Variants in PLA2G6 observed in about 807,000 individuals in gnomAD.
PLA2G6 encodes phospholipase A2 group VI, also known as 85/88 kDa calcium-independent phospholipase A2.
Under a neutral mutation model 83.8 loss-of-function variants are expected in PLA2G6, and 62 were observed. That is an observed-to-expected ratio of 0.74 (90% CI 0.60 to 0.91). The LOEUF is 0.91. PLA2G6 is among the 40% of genes least tolerant of loss of function. The pLI, the probability that PLA2G6 is intolerant of heterozygous loss-of-function variation, is 0.00. For synonymous variants in PLA2G6, 417 were observed against 449.8 expected (o/e 0.93, Z 0.92); for missense variants, 944 against 1,102.0 (o/e 0.86, Z 2.03).
chr22:38,179,961 G>A (rs919394968), intron 1 of PLA2G6, among the ~76,000 whole-genome samples: 3 of 151,964 alleles, frequency 2.0e-5, no homozygotes, highest in African/African-American at 7.3e-5. Flanking sequence ...ATCACCATCC[G>A]AAAACGAGAA....
At chr22:38,172,271 C>G (rs1471531576) in intron 1 of PLA2G6, among the ~76,000 whole-genome samples, 1 of 152,178 alleles carries the variant, frequency 6.6e-6, no homozygotes, top group African/African-American at 2.4e-5. Flanking sequence ...CAGGGTCACC[C>G]AGCTAGTGGG....
chr22:38,173,824 C>T (rs946428325), intron 1 of PLA2G6, among the ~76,000 whole-genome samples: 4 of 151,802 alleles, frequency 2.6e-5, no homozygotes, highest in Non-Finnish European at 4.4e-5. Context: ...CTGAGGCAGA[C>T]GGATTGCTTG....
chr22:38,140,476 C>A (rs11570659), intron 4 of PLA2G6: 2 of 360,768 alleles, frequency 5.5e-6, no homozygotes, highest in Admixed American at 3.9e-5. Context: ...TCATTGCACT[C>A]TAGCCTGGGC....
Position 38,139,843 on chromosome 22 carries a change from G to A in PLA2G6, c.797+139C>T, listed in dbSNP as rs573095326. 54 of 700,702 alleles carry A rather than the reference G, an allele frequency of 7.7e-5. No individual in the cohort carries two copies. The East Asian group carries it at 1.4e-3, about 18-fold the overall frequency. The allele number at this position is 700,702 out of a possible 1,614,324, so 43.4% of individuals were successfully genotyped here. A position where few individuals can be genotyped will look rare whatever the true frequency, so the allele number is the denominator to read the frequency against. The stretch of plus-strand genomic sequence containing the variant: ...TTTGGGCCAGGCGGGGCCTAATGAG[G>A]CTTGTGAACCCGGGGCCTCTGCTCT... On this transcript the variant is annotated intron_variant, in intron 5 of 16. Coordinates refer to ENST00000332509, the MANE Select transcript of PLA2G6 (RefSeq NM_003560.4).
At position 38,132,188 on chromosome 22, in the gene PLA2G6, C is replaced by T. The variant is rs1271191868; in HGVS notation, c.1077+643G>A. ...CCTCCTCTGCTAGGTTTAATATGTTCATACTCTAGATGTGTAACCAGACAG... is the reference window on the plus strand; with the variant it reads ...CCTCCTCTGCTAGGTTTAATATGTTTATACTCTAGATGTGTAACCAGACAG... On this transcript the variant is annotated intron_variant, in intron 7 of 16. Transcript: ENST00000332509. This position sits in a 1 kb window ranked among gnomAD's most constrained non-coding sequence, Gnocchi z 5.0. The T allele has an allele frequency of 4.5e-6, 2 of 444,706 alleles. No individual in the cohort carries two copies. The highest frequency in any genetic ancestry group is 9.0e-6 in the Non-Finnish European group (2 of 222,172). 27.5% of individuals were successfully genotyped at this position (444,706 alleles called of 1,614,324 possible).
chr22:38,156,647 G>A, intron 2 of PLA2G6, among the ~76,000 whole-genome samples: 1 of 151,962 alleles, frequency 6.6e-6, no homozygotes, highest in Non-Finnish European at 1.5e-5. Context: ...TAGAGACGGG[G>A]TTTCACTGTG....
intron 5 of PLA2G6, chr22:38,138,786 C>G (rs2088706529): frequency 6.6e-6 from 1 of 152,188 alleles, no homozygotes; most frequent in Non-Finnish European, 1.5e-5. Context: ...TCTCCTGTCT[C>G]AGCCTCCTGA....
rs1402835565 is a variant in PLA2G6, at chr22:38,143,763, G to A, written c.426-475C>T. On this transcript the variant is annotated intron_variant, in intron 3 of 16. Coordinates refer to ENST00000332509, the MANE Select transcript of PLA2G6 (RefSeq NM_003560.4). Reference sequence around the variant, plus strand: ...TTTTTGTTTTGTTTTGTTTTTTTGAGGTGGAGTTTCACTCTTGTTGCCCAG... The same window carrying A: ...TTTTTGTTTTGTTTTGTTTTTTTGAAGTGGAGTTTCACTCTTGTTGCCCAG... 3 of 295,808 alleles carry A rather than the reference G, an allele frequency of 1.0e-5. No individual in the cohort carries two copies. In the East Asian group the frequency reaches 2.5e-4, roughly 25 times the overall value. The allele number at this position is 295,808 out of a possible 1,614,324, so 18.3% of individuals were successfully genotyped here. A position where few individuals can be genotyped will look rare whatever the true frequency, so the allele number is the denominator to read the frequency against.
At chr22:38,146,966 A>G (rs1453337365) in intron 2 of PLA2G6, 1 of 152,014 alleles carries the variant, frequency 6.6e-6, no homozygotes, top group African/African-American at 2.4e-5. Flanking sequence ...TTTTTAGAAG[A>G]GACAGAGTTT....
intron 10 of PLA2G6, 193 bp downstream of exon 10, chr22:38,126,178 G>T: frequency 1.5e-6 from 1 of 660,068 alleles, no homozygotes; most frequent in Admixed American, 2.1e-5. Context: ...AGCCTGCACC[G>T]CCCAGCATTA....
chr22:38,135,048 C>T lies in PLA2G6; in HGVS notation c.834G>A (p.Gln278=). ...CGTAACGGGGGTCTTTGCTGTGGAT[C>T]TGGCTGCTGTCCATGCTGATGATCA... ...AEMIISMDSS[Q]IHSKDPRYGA... is the part of the protein sequence containing the mutation. Residue 278 remains glutamine (Q), a synonymous_variant, in exon 6 of 17, where the codon CAG becomes CAA. Coordinates refer to ENST00000332509, the MANE Select transcript of PLA2G6 (RefSeq NM_003560.4). 6.3e-7 allele frequency: 1 copy of T among 1,593,516 alleles called. No homozygotes were observed. The highest frequency in any genetic ancestry group is 8.6e-7 in the Non-Finnish European group (1 of 1,166,630).
intron 3 of PLA2G6, chr22:38,144,896 C>T (rs1013394617): frequency 3.5e-6 from 1 of 286,848 alleles, no homozygotes; most frequent in African/African-American, 2.3e-5. Flanking sequence ...ATGACGATAC[C>T]TTGTGGGGGT....
At position 38,123,119 on chromosome 22, in the gene PLA2G6, T is replaced by G; in HGVS notation, c.1567A>C (p.Ile523Leu). The G allele has an allele frequency of 1.3e-6, 2 of 1,549,634 alleles. No homozygotes were observed. The highest frequency in any genetic ancestry group is 2.4e-5 in the South Asian group (2 of 83,990). Residue 523 changes from isoleucine to leucine, a missense_variant, in exon 11 of 17, where the codon ATC (isoleucine) becomes CTC (leucine). Transcript: ENST00000332509. This position sits in a 1 kb window ranked among gnomAD's most constrained non-coding sequence, Gnocchi z 4.1. ...DWVAGTSTGG[I>L]LALAILHSKS... is the part of the protein sequence containing the mutation. ...CTGTGCAGAATGGCCAGGGCCAGGA[T>G]GCCTCCAGTGCTGGTGCCCGCCACC...
At chr22:38,164,081 A>G (rs1350350580) in intron 2 of PLA2G6, among the ~76,000 whole-genome samples, 4 of 152,184 alleles carry the variant, frequency 2.6e-5, no homozygotes, top group African/African-American at 9.7e-5. Context: ...GTCATCTGTT[A>G]CAAGTCAATG....
intron 1 of PLA2G6, chr22:38,180,507 G>C (rs1482237914): frequency 6.6e-6 from 1 of 152,192 alleles, no homozygotes; most frequent in Non-Finnish European, 1.5e-5. Context: ...AACGATGACT[G>C]AATGAATGGT....
chr22:38,142,761 G>A, intron 4 of PLA2G6: 1 of 388,442 alleles, frequency 2.6e-6, no homozygotes, highest in Non-Finnish European at 4.9e-6. Flanking sequence ...GGTCCCGCTG[G>A]CCCACGAGCC....
chr22:38,135,117 A>ACCCT, intron 5 of PLA2G6, 33 bp from the exon 6 acceptor site: 4 of 1,482,222 alleles, frequency 2.7e-6, no homozygotes, highest in Non-Finnish European at 3.8e-6. Flanking sequence ...TGGTGAGCAG[A>ACCCT]AGCTAGGGTC....
At chr22:38,158,965 G>A (rs772443509) in intron 2 of PLA2G6, among the ~76,000 whole-genome samples, 8 of 152,076 alleles carry the variant, frequency 5.3e-5, no homozygotes, top group East Asian at 1.9e-4. Context: ...TTGGGAGGCC[G>A]AGGCGGGTGG....
chr22:38,133,590 C>G (rs551376496), intron 6 of PLA2G6: 1 of 155,324 alleles, frequency 6.4e-6, no homozygotes, highest in East Asian at 1.9e-4. Flanking sequence ...AGTGACCAAA[C>G]CTACACGGAA....
Sources: gnomAD v4.1 joint callset for allele counts (sites outside exome capture counted in the v4.1 genomes callset) on GRCh38, gnomAD v4.1.1 for gene constraint, Gnocchi (gnomAD v3.1) non-coding constraint, MANE v1.5 for transcripts, NCBI Gene and HGNC (gene_info 2026-07-23, HGNC 2026-07-21) for gene names.